STAG1: variants seen among roughly 807,000 people sequenced by gnomAD.
STAG1 encodes STAG1 cohesin complex component, also known as cohesin subunit SA-1.
Under a neutral mutation model 170.9 loss-of-function variants are expected in STAG1, and 26 were observed. That is an observed-to-expected ratio of 0.15 (90% CI 0.11 to 0.21). The LOEUF (loss-of-function observed/expected upper bound fraction) is 0.21, where lower values mean the gene tolerates loss of function less well. Among genes scored for constraint, STAG1 ranks in the 10% least tolerant of loss-of-function variants. The pLI is 1.00. For missense variants in STAG1, 964 were observed against 1,509.5 expected (o/e 0.64, Z 5.99); for synonymous variants, 514 against 497.7 (o/e 1.03, Z -0.44).
intron 22 of STAG1, among the ~76,000 whole-genome samples, chr3:136,388,805 G>A (rs546936902): frequency 6.4e-4 from 97 of 152,200 alleles, no homozygotes; most frequent in African/African-American, 2.3e-3. Flanking sequence ...TACCACTTAG[G>A]GGATATTAAG....
rs1254936225 is a variant in STAG1 at position 136,649,493 on chromosome 3, A to G, written c.-83-18512T>C. 5.4e-5 allele frequency among the ~76,000 whole-genome samples: 8 copies of G among 149,046 alleles called. No individual in the cohort carries two copies. In the East Asian group the frequency reaches 9.7e-4, roughly 18 times the overall value. ...GACTCCATCTCAAAAAACAAAAACA[A>G]AAACAGAAACAAAAAAAAAAAAAAA... On this transcript the variant is annotated intron_variant, in intron 1 of 33. Transcript: ENST00000383202.
At chr3:136,392,033 C>A (rs541209515) in intron 22 of STAG1, among the ~76,000 whole-genome samples, 1 of 152,054 alleles carries the variant, frequency 6.6e-6, no homozygotes, top group African/African-American at 2.4e-5. Context: ...TTATAACTAC[C>A]ATTCATAATC....
intron 28 of STAG1, 33 bp from the exon 29 acceptor site, chr3:136,349,396 A>G: frequency 6.5e-7 from 1 of 1,542,666 alleles, no homozygotes. Flanking sequence ...AGTGATTTTC[A>G]GAGAAGCAGT....
chr3:136,376,269 G>C lies in STAG1; in HGVS notation c.2370+1391C>G, dbSNP rs538515321. Among the ~76,000 whole-genome samples the C allele has an allele frequency of 2.0e-4, 31 of 152,142 alleles. No homozygotes were observed. The South Asian group carries it at 5.8e-3, about 28-fold the overall frequency. On this transcript the variant is annotated intron_variant, in intron 23 of 33. Transcript: ENST00000383202. The stretch of plus-strand genomic sequence containing the variant: ...TAGCCCAATATCAAAATAAGAAATA[G>C]TATGGAAAATATACATTTTGTTTTA...
intron 21 of STAG1, among the ~76,000 whole-genome samples, chr3:136,410,142 G>A (rs1007373971): frequency 9.9e-5 from 15 of 151,806 alleles, no homozygotes; most frequent in Non-Finnish European, 1.9e-4. Flanking sequence ...GCTCATGCCT[G>A]GAATCCCAGA....
intron 7 of STAG1, among the ~76,000 whole-genome samples, chr3:136,514,257 G>A (rs1030626668): frequency 2.6e-5 from 4 of 152,120 alleles, no homozygotes; most frequent in African/African-American, 9.7e-5. Context: ...ACAAGGATAT[G>A]AACAGACACT....
In STAG1 at chr3:136,568,823, G is replaced by C. The variant is rs772216100; in HGVS notation, c.336C>G (p.Asp112Glu). The change falls in exon 5 of 34, where the codon GAC becomes GAG. Residue 112 changes from aspartate to glutamate, a missense_variant. By Grantham distance (45) the Asp-to-Glu change is conservative. This residue lies in a region of STAG1 where 33 missense variants were observed against 86.0 expected (regional missense o/e 0.38). Coordinates refer to ENST00000383202, the MANE Select transcript of STAG1 (RefSeq NM_005862.3). The part of the protein sequence containing the change: ...VDDWIESYKQ[D>E]RDIALLDLIN... ...TTAAATCCAGAAGTGCGATGTCCCT[G>C]TCTTGTTTATATGATTCAATCCAGT... 1.2e-6 allele frequency: 2 copies of C among 1,612,340 alleles called. No individual in the cohort carries two copies. Among genetic ancestry groups the C allele is most frequent in the Admixed American group, 3.3e-5 (2 of 59,982 alleles).
At chr3:136,706,052 AGAGT>A (rs374785184) in intron 1 of STAG1, among the ~76,000 whole-genome samples, 71 of 152,288 alleles carry the variant, frequency 4.7e-4, no homozygotes, top group African/African-American at 1.7e-3. Context: ...TCTGGAAGAC[AGAGT>A]GAGACCCTGT....
chr3:136,443,189 C>A (rs972654491), intron 15 of STAG1, 98 bp downstream of exon 15: 21 of 718,198 alleles, frequency 2.9e-5, no homozygotes, highest in Admixed American at 2.6e-5. Flanking sequence ...ACACAACATG[C>A]TTATATATGC....
Position 136,433,797 on chromosome 3 carries a change from G to C in STAG1, c.1547-138C>G, listed in dbSNP as rs551573656. The C allele has an allele frequency of 6.5e-6, 4 of 613,022 alleles. No individual in the cohort carries two copies. The East Asian group carries it at 1.3e-4, about 19-fold the overall frequency. The allele number at this position is 613,022 out of a possible 1,614,324, so 38.0% of individuals were successfully genotyped here. ...AGACTAAAGTTAAGCTCTGTACTTTGCTATTTTTTTTTTTAAAGTAATTAT... is the reference window on the plus strand; with the variant it reads ...AGACTAAAGTTAAGCTCTGTACTTTCCTATTTTTTTTTTTAAAGTAATTAT... On this transcript the variant is annotated intron_variant, in intron 15 of 33. Transcript: ENST00000383202.
intron 23 of STAG1, among the ~76,000 whole-genome samples, chr3:136,371,874 T>G (rs1464153152): frequency 1.3e-5 from 2 of 152,208 alleles, no homozygotes; most frequent in African/African-American, 2.4e-5. Context: ...TTAAAGTAGT[T>G]TTTTCCAATT....
chr3:136,529,016 A>G (rs1179198746), intron 6 of STAG1, among the ~76,000 whole-genome samples: 1 of 152,154 alleles, frequency 6.6e-6, no homozygotes, highest in Non-Finnish European at 1.5e-5. Flanking sequence ...AATTCATTGA[A>G]TAAAATAAAA....
chr3:136,720,207 C>T (rs1307253231), intron 1 of STAG1, among the ~76,000 whole-genome samples: 6 of 148,188 alleles, frequency 4.0e-5, no homozygotes, highest in Admixed American at 4.0e-4. Flanking sequence ...CTTAAGTGAA[C>T]ACTGAGCATT....
chr3:136,627,277 C>T (rs1183030094), intron 2 of STAG1, among the ~76,000 whole-genome samples: 2 of 152,038 alleles, frequency 1.3e-5, no homozygotes, highest in Admixed American at 6.6e-5. Context: ...TTTCGAGCAA[C>T]AGAAAATATA....
chr3:136,608,027 C>T (rs1210485528), intron 3 of STAG1, among the ~76,000 whole-genome samples: 10 of 152,104 alleles, frequency 6.6e-5, no homozygotes, highest in African/African-American at 1.2e-4. Flanking sequence ...GAGGCCAAGG[C>T]GGGCAGATCA....
chr3:136,747,037 A>C (rs923693877), intron 1 of STAG1, among the ~76,000 whole-genome samples: 1 of 143,314 alleles, frequency 7.0e-6, no homozygotes, highest in Non-Finnish European at 1.5e-5. Flanking sequence ...CAGAGGTTGC[A>C]GTGAGCCGAG....
intron 4 of STAG1, among the ~76,000 whole-genome samples, chr3:136,590,311 C>T (rs1424556411): frequency 2.0e-5 from 3 of 151,344 alleles, no homozygotes; most frequent in African/African-American, 4.9e-5. Context: ...AGTGAAACCC[C>T]GTCTCTACCA....
intron 1 of STAG1, among the ~76,000 whole-genome samples, chr3:136,652,501 C>A (rs1000442493): frequency 6.6e-6 from 1 of 152,148 alleles, no homozygotes; most frequent in Non-Finnish European, 1.5e-5. Flanking sequence ...CAGAACACTA[C>A]AAAGACGCCT....
At chr3:136,463,735 A>ATGTGTGTGTGTGTGTGTGTG (rs140989476) in intron 13 of STAG1, among the ~76,000 whole-genome samples, 1 of 101,222 alleles carries the variant, frequency 9.9e-6, no homozygotes, top group Non-Finnish European at 1.9e-5. Context: ...AAATGTGTAT[A>ATGTGTGTGTGTGTGTGTGTG]TGTGTGTGTG....
Sources: gnomAD v4.1 joint callset for allele counts (sites outside exome capture counted in the v4.1 genomes callset) on GRCh38, gnomAD v4.1.1 for gene constraint, gnomAD v4.1.1 regional missense constraint, MANE v1.5 for transcripts, NCBI Gene and HGNC (gene_info 2026-07-23, HGNC 2026-07-21) for gene names.